KCNN1: variants seen among roughly 807,000 people sequenced by gnomAD.
KCNN1 encodes the protein potassium calcium-activated channel subfamily N member 1.
KCNN1 carries 20 observed loss-of-function variants against 44.7 expected under a neutral mutation model. The observed-to-expected ratio is 0.45, with a 90% confidence interval of 0.32 to 0.65. The LOEUF is 0.65. Ranked by LOEUF, KCNN1 falls within the 30% of genes least tolerant of loss-of-function variation. The pLI, the probability that KCNN1 is intolerant of heterozygous loss-of-function variation, is 0.05. For missense variants in KCNN1, 632 were observed against 785.3 expected (o/e 0.80, Z 2.33); for synonymous variants, 324 against 341.7 (o/e 0.95, Z 0.57).
chr19:17,962,940 A>G (rs1305670488), upstream of KCNN1, among the ~76,000 whole-genome samples: 1 of 146,076 alleles, frequency 6.8e-6, no homozygotes, highest in Non-Finnish European at 1.5e-5. Context: ...TGACCTCATG[A>G]TCCGCCTGTC....
chr19:17,976,401 A>G (rs916393762), intron 3 of KCNN1, among the ~76,000 whole-genome samples: 25 of 152,260 alleles, frequency 1.6e-4, no homozygotes, highest in African/African-American at 6.0e-4. Flanking sequence ...GTGCACCTGT[A>G]CAATGGACAA....
rs747794938 is a variant in KCNN1 at position 17,989,710 on chromosome 19, C to T, written c.1171-6C>T. On this transcript the variant is annotated splice_polypyrimidine_tract_variant and splice_region_variant and intron_variant, in intron 6 of 9. Coordinates refer to ENST00000684775, the MANE Select transcript of KCNN1 (RefSeq NM_001386974.1). ...CCCTGAGGAATTGTTCTTTTTCTGG[C>T]CCCAGGTAAAAAACGCCGCTGCTAA... is the stretch of plus-strand genomic sequence containing the variant. 4 of 1,613,678 alleles carry T rather than the reference C, an allele frequency of 2.5e-6. No individual in the cohort carries two copies. In the East Asian group the frequency reaches 6.7e-5, roughly 27 times the overall value.
intron 9 of KCNN1, among the ~76,000 whole-genome samples, chr19:17,996,166 CAAAAAA>C (rs757072562): frequency 0.033 from 3,025 of 92,094 alleles, 43 homozygotes; most frequent in Non-Finnish European, 0.047. Context: ...TCCATTGCTA[CAAAAAA>C]AAAAAAAAAA....
At position 17,989,709 on chromosome 19, in the gene KCNN1, G is replaced by C. The variant is rs778485530; in HGVS notation, c.1171-7G>C. ...ACCCTGAGGAATTGTTCTTTTTCTG[G>C]CCCCAGGTAAAAAACGCCGCTGCTA... On this transcript the variant is annotated splice_polypyrimidine_tract_variant and splice_region_variant and intron_variant, in intron 6 of 9. Transcript: ENST00000684775. 2.7e-5 allele frequency: 43 copies of C among 1,613,494 alleles called. No homozygotes were observed. Among genetic ancestry groups the C allele is most frequent in the Non-Finnish European group, 3.4e-5 (40 of 1,179,812 alleles).
chr19:17,952,890 G>T (rs2031450372), intron 1 of KCNN1, among the ~76,000 whole-genome samples: 1 of 152,152 alleles, frequency 6.6e-6, no homozygotes, highest in South Asian at 2.1e-4. Context: ...GCCCAGAGAG[G>T]GTTACCACTC....
In KCNN1 at chr19:17,970,428, G is replaced by C. The variant is rs185509943; in HGVS notation, c.-82+3111G>C. Among the ~76,000 whole-genome samples, 18 of 139,882 alleles carry C rather than the reference G, an allele frequency of 1.3e-4. No homozygotes were observed. In the East Asian group the frequency reaches 3.9e-3, roughly 30 times the overall value. The allele number at this position is 139,882 out of a possible 152,430, so 91.8% of individuals were successfully genotyped here. A position where few individuals can be genotyped will look rare whatever the true frequency, so the allele number is the denominator to read the frequency against. On this transcript the variant is annotated intron_variant, in intron 1 of 9. Coordinates refer to ENST00000684775, the MANE Select transcript of KCNN1 (RefSeq NM_001386974.1). Reference sequence around the variant, plus strand: ...CACTTCCCGGGTTCAAGTGATTCTTGTGCCTCAGCCTCCCAAGTAGCTGGG... The same window carrying C: ...CACTTCCCGGGTTCAAGTGATTCTTCTGCCTCAGCCTCCCAAGTAGCTGGG...
At position 17,981,759 on chromosome 19, in the gene KCNN1, C is replaced by A; in HGVS notation, c.549C>A (p.Cys183Ter). ...ATGACTGGCGCATCGCCATGACCTGCGAGCGCGTGTTCCTCATCTCGCTAG... is the reference window on the plus strand; with the variant it reads ...ATGACTGGCGCATCGCCATGACCTGAGAGCGCGTGTTCCTCATCTCGCTAG... Reference protein sequence around the residue: ...GADDWRIAMTCERVFLISLEL... With the variant: ...GADDWRIAMT The change falls in exon 4 of 10, where the codon TGC becomes TGA. Residue 183 changes from cysteine (C) to a stop codon, truncating the protein, a stop_gained. Transcript: ENST00000684775. LOFTEE classifies it high-confidence loss of function. 1.2e-6 allele frequency: 2 copies of A among 1,608,446 alleles called. No homozygotes were observed. The highest frequency in any genetic ancestry group is 1.7e-6 in the Non-Finnish European group (2 of 1,176,068).
At chr19:17,986,430 G>A (rs539177671) in intron 5 of KCNN1, among the ~76,000 whole-genome samples, 1 of 151,900 alleles carries the variant, frequency 6.6e-6, no homozygotes, top group South Asian at 2.1e-4. Flanking sequence ...CCCTTCCTTA[G>A]CTGACTTTCG....
Position 17,974,256 on chromosome 19 carries a change from C to T in KCNN1, c.368C>T (p.Thr123Met), listed in dbSNP as rs754580322. The part of the protein sequence containing the change: ...FGMFGIVVMV[T>M]ETELSWGVYT... ...ATGTTTGGCATCGTCGTCATGGTGACGGAGACCGAGCTGTCCTGGGGGGTG... is the reference window on the plus strand; with the variant it reads ...ATGTTTGGCATCGTCGTCATGGTGATGGAGACCGAGCTGTCCTGGGGGGTG... Residue 123 changes from threonine (T) to methionine (M), a missense_variant, in exon 2 of 10, where the codon ACG (threonine) becomes ATG (methionine). This residue lies in a region of KCNN1 where 235 missense variants were observed against 224.0 expected (regional missense o/e 1.05). Transcript: ENST00000684775. This position sits in a 1 kb window ranked among gnomAD's most constrained non-coding sequence, Gnocchi z 7.3. 2.6e-5 allele frequency: 41 copies of T among 1,600,010 alleles called. 1 individual carries two copies. Among genetic ancestry groups the T allele is most frequent in the Middle Eastern group, 1.7e-4 (1 of 6,034 alleles).
chr19:17,979,854 C>T (rs1257349778), intron 3 of KCNN1, among the ~76,000 whole-genome samples: 4 of 150,540 alleles, frequency 2.7e-5, no homozygotes, highest in Non-Finnish European at 5.9e-5. Flanking sequence ...TAAAATGACA[C>T]GTGAAAAAGG....
At position 17,998,079 on chromosome 19, in the gene KCNN1, T is replaced by C. The variant is rs1347313323; in HGVS notation, c.1378-73T>C. ...GCGTGTGGGCTGTCCCTCTCTGTCATTGGTGTCGTGGTATCGTCCTTTCCT... is the reference window on the plus strand; with the variant it reads ...GCGTGTGGGCTGTCCCTCTCTGTCACTGGTGTCGTGGTATCGTCCTTTCCT... On this transcript the variant is annotated intron_variant, in intron 9 of 9. Coordinates refer to ENST00000684775, the MANE Select transcript of KCNN1 (RefSeq NM_001386974.1). This position sits in a 1 kb window ranked among gnomAD's most constrained non-coding sequence, Gnocchi z 5.4. The C allele has an allele frequency of 2.2e-5, 32 of 1,444,314 alleles. No homozygotes were observed. Among genetic ancestry groups the C allele is most frequent in the Middle Eastern group, 3.6e-4 (2 of 5,562 alleles). The allele number at this position is 1,444,314 out of a possible 1,614,324, so 89.5% of individuals were successfully genotyped here. A position where few individuals can be genotyped will look rare whatever the true frequency, so the allele number is the denominator to read the frequency against.
chr19:17,988,606 G>A, intron 6 of KCNN1, 81 bp downstream of exon 6: 3 of 1,046,716 alleles, frequency 2.9e-6, no homozygotes, highest in Non-Finnish European at 4.3e-6. Flanking sequence ...CTCTGTACGT[G>A]CCGGGCATGC....
At chr19:17,997,600 C>T (rs1214092076) in intron 9 of KCNN1, among the ~76,000 whole-genome samples, 1 of 152,170 alleles carries the variant, frequency 6.6e-6, no homozygotes, top group Non-Finnish European at 1.5e-5. Context: ...TGCCTCATCC[C>T]CCCCGAGTAG....
intron 4 of KCNN1, among the ~76,000 whole-genome samples, chr19:17,984,491 T>A (rs2032527542): frequency 6.6e-6 from 1 of 151,238 alleles, no homozygotes; most frequent in South Asian, 2.1e-4. Context: ...TGGGAAGGAG[T>A]GGGTTAGCTG....
chr19:17,957,794 A>G (rs935975596), intron 2 of KCNN1, among the ~76,000 whole-genome samples: 7 of 152,000 alleles, frequency 4.6e-5, no homozygotes, highest in African/African-American at 1.7e-4. Context: ...GCATGGTCTC[A>G]GTTAGGATTT....
rs964973436 is a variant in KCNN1 at position 17,983,063 on chromosome 19, G to A, written c.917+936G>A. ...GGTCTGGGATGAAGGAAAACCGGCC[G>A]TGCCTTTGGGACCTCCAAGCAGGAG... is the stretch of plus-strand genomic sequence containing the variant. On this transcript the variant is annotated intron_variant, in intron 4 of 9. Transcript: ENST00000684775. This position sits in a 1 kb window ranked among gnomAD's most constrained non-coding sequence, Gnocchi z 4.5. Among the ~76,000 whole-genome samples the A allele has an allele frequency of 2.0e-5, 3 of 152,006 alleles. No homozygotes were observed. Among genetic ancestry groups the A allele is most frequent in the Non-Finnish European group, 4.4e-5 (3 of 67,966 alleles).
chr19:17,964,364 T>C (rs2031749111), upstream of KCNN1, among the ~76,000 whole-genome samples: 1 of 152,180 alleles, frequency 6.6e-6, no homozygotes, highest in Non-Finnish European at 1.5e-5. The surrounding 1 kb of genome is among the most constrained non-coding windows in gnomAD (Gnocchi z 4.3). Flanking sequence ...TGAGCTCCTG[T>C]GAACGTCTTC....
chr19:17,951,619 C>A (rs959283195), intron 1 of KCNN1, among the ~76,000 whole-genome samples: 2 of 152,056 alleles, frequency 1.3e-5, no homozygotes, highest in Non-Finnish European at 1.5e-5. Flanking sequence ...GGTTCCTAAT[C>A]GCGCAGGTTG....
intron 1 of KCNN1, among the ~76,000 whole-genome samples, chr19:17,973,518 C>T (rs763020468): frequency 3.3e-5 from 5 of 152,166 alleles, no homozygotes; most frequent in South Asian, 2.1e-4. Flanking sequence ...TGAACTCAAG[C>T]GGTCCTTCTG....
Sources: gnomAD v4.1 joint callset for allele counts (sites outside exome capture counted in the v4.1 genomes callset) on GRCh38, gnomAD v4.1.1 for gene constraint, gnomAD v4.1.1 regional missense constraint, Gnocchi (gnomAD v3.1) non-coding constraint, MANE v1.5 for transcripts, NCBI Gene and HGNC (gene_info 2026-07-23, HGNC 2026-07-21) for gene names.